The following CDH12 variants were observed in gnomAD, a reference collection of about 807,000 sequenced individuals.
CDH12 encodes cadherin 12.
CDH12 carries 41 observed loss-of-function variants against 74.1 expected under a neutral mutation model. The observed-to-expected ratio is 0.55, with a 90% CI of 0.43 to 0.72. The LOEUF (loss-of-function observed/expected upper bound fraction) is 0.72, where lower values mean the gene tolerates loss of function less well. Ranked by LOEUF, CDH12 falls within the 30% of genes least tolerant of loss-of-function variation. The pLI, the probability that CDH12 is intolerant of heterozygous loss-of-function variation, is 0.00. For missense variants in CDH12, 945 were observed against 977.2 expected (o/e 0.97, Z 0.44); for synonymous variants, 399 against 355.0 (o/e 1.12, Z -1.39).
At chr5:22,144,608 T>C (rs1410071045) in intron 4 of CDH12, among the ~76,000 whole-genome samples, 1 of 152,116 alleles carries the variant, frequency 6.6e-6, no homozygotes, top group Non-Finnish European at 1.5e-5. Context: ...TGTGGAGGCA[T>C]CTTTCCTATA....
chr5:22,687,792 A>G (rs1741889331), intron 1 of CDH12, among the ~76,000 whole-genome samples: 1 of 152,166 alleles, frequency 6.6e-6, no homozygotes, highest in African/African-American at 2.4e-5. Flanking sequence ...AGGCTTCCAA[A>G]TGATGTGTCC....
intron 2 of CDH12, among the ~76,000 whole-genome samples, chr5:22,442,685 T>G (rs1489001963): frequency 1.3e-5 from 2 of 152,048 alleles, no homozygotes; most frequent in Non-Finnish European, 2.9e-5. Flanking sequence ...GAAAGATAGT[T>G]GAGAGGATGA....
rs149697285 is a variant in CDH12 at position 22,704,308 on chromosome 5, G to A, written c.-523+148750C>T. Among the ~76,000 whole-genome samples, 388 of 152,140 alleles carry A rather than the reference G, an allele frequency of 2.6e-3. 2 individuals are homozygous for A. Among genetic ancestry groups the A allele is most frequent in the Non-Finnish European group, 4.4e-3 (299 of 67,994 alleles). On this transcript the variant is annotated intron_variant, in intron 1 of 14. Coordinates refer to ENST00000382254, the MANE Select transcript of CDH12 (RefSeq NM_004061.5). ...GGGGACAGTGATGTCTAGCTAACAGGTGCCACCACCATAAAGTCCTTAAAA... is the reference window on the plus strand; with the variant it reads ...GGGGACAGTGATGTCTAGCTAACAGATGCCACCACCATAAAGTCCTTAAAA...
At chr5:22,013,424 G>A (rs1369711168) in intron 5 of CDH12, among the ~76,000 whole-genome samples, 1 of 152,080 alleles carries the variant, frequency 6.6e-6, no homozygotes, top group Non-Finnish European at 1.5e-5. Flanking sequence ...ATGAGATTTG[G>A]GTGGGGACAC....
intron 6 of CDH12, among the ~76,000 whole-genome samples, chr5:21,964,529 TCTC>T (rs1260601955): frequency 6.6e-6 from 1 of 151,952 alleles, no homozygotes; most frequent in African/African-American, 2.4e-5. Context: ...AAGTCTTTCT[TCTC>T]CTGCTAGTTA....
intron 3 of CDH12, among the ~76,000 whole-genome samples, chr5:22,238,990 T>C (rs1752654463): frequency 1.3e-5 from 2 of 152,192 alleles, no homozygotes; most frequent in Admixed American, 1.3e-4. Context: ...CTGGGATCTC[T>C]TTAGAGAGTA....
Position 22,078,498 on chromosome 5 carries a change from T to A in CDH12, c.179A>T (p.Gln60Leu), listed in dbSNP as rs780865580. The change falls in exon 5 of 15, where the codon CAA becomes CTA. Residue 60 changes from glutamine to leucine, a missense_variant. Around this residue, in one of 3 missense-constraint regions of CDH12, gnomAD observed 148 missense variants for 162.8 expected, o/e 0.91. Coordinates refer to ENST00000382254, the MANE Select transcript of CDH12 (RefSeq NM_004061.5). Reference protein sequence around the residue: ...QRVKRGWVWNQFFVLEEYVGS... With the variant: ...QRVKRGWVWNLFFVLEEYVGS... ...CACGTATTCTTCCAGCACAAAAAAT[T>A]GATTCCATACCCAGCCACGTTTAAC... is the stretch of plus-strand genomic sequence containing the variant. 3.4e-5 allele frequency: 55 copies of A among 1,613,796 alleles called. No homozygotes were observed. Among genetic ancestry groups the A allele is most frequent in the Non-Finnish European group, 1.4e-5 (17 of 1,179,874 alleles).
At chr5:22,036,115 A>C (rs1452444878) in intron 5 of CDH12, among the ~76,000 whole-genome samples, 3 of 152,192 alleles carry the variant, frequency 2.0e-5, no homozygotes, top group Admixed American at 1.3e-4. Flanking sequence ...GCTGCACTGA[A>C]CTAATAATGA....
intron 1 of CDH12, among the ~76,000 whole-genome samples, chr5:22,816,112 G>T (rs1489889759): frequency 6.6e-6 from 1 of 152,032 alleles, no homozygotes; most frequent in Non-Finnish European, 1.5e-5. Flanking sequence ...TTATTTTCGG[G>T]GCCAGGCTTC....
chr5:22,056,152 G>T (rs577121831), intron 5 of CDH12, among the ~76,000 whole-genome samples: 1 of 151,790 alleles, frequency 6.6e-6, no homozygotes, highest in South Asian at 2.1e-4. Flanking sequence ...AAGCAAATAG[G>T]GTCTTTTAAT....
At chr5:22,705,130 T>TATATATACACACAC (rs752782183) in intron 1 of CDH12, among the ~76,000 whole-genome samples, 1,563 of 125,566 alleles carry the variant, frequency 0.012, 16 homozygotes, top group African/African-American at 0.029. Context: ...TATATATATA[T>TATATATACACACAC]ACACACACAC....
At chr5:22,797,114 G>T (rs1485910541) in intron 1 of CDH12, among the ~76,000 whole-genome samples, 1 of 151,324 alleles carries the variant, frequency 6.6e-6, no homozygotes, top group Admixed American at 6.6e-5. Flanking sequence ...TTTAGTATTC[G>T]GAGGGGGGCA....
chr5:22,779,659 G>A (rs1386809211), intron 1 of CDH12, among the ~76,000 whole-genome samples: 1 of 152,126 alleles, frequency 6.6e-6, no homozygotes, highest in African/African-American at 2.4e-5. Flanking sequence ...GAGTTCTCAT[G>A]AGATCTGATG....
intron 1 of CDH12, among the ~76,000 whole-genome samples, chr5:22,565,653 G>A (rs1051998133): frequency 1.3e-5 from 2 of 151,938 alleles, no homozygotes; most frequent in Non-Finnish European, 2.9e-5. Flanking sequence ...CCTCTTGGGG[G>A]TATTTGCCTA....
At chr5:22,017,189 TC>T (rs1233483392) in intron 5 of CDH12, among the ~76,000 whole-genome samples, 2 of 152,190 alleles carry the variant, frequency 1.3e-5, no homozygotes, top group East Asian at 3.9e-4. Flanking sequence ...TTGTTCCTAC[TC>T]CTTTGTCTTT....
intron 2 of CDH12, among the ~76,000 whole-genome samples, chr5:22,437,460 C>T (rs1744443792): frequency 6.6e-6 from 1 of 151,016 alleles, no homozygotes; most frequent in Non-Finnish European, 1.5e-5. Flanking sequence ...GGCCACATTA[C>T]AACAAAGTGT....
At chr5:21,807,717 G>A (rs1030707255) in intron 9 of CDH12, among the ~76,000 whole-genome samples, 6 of 152,084 alleles carry the variant, frequency 3.9e-5, no homozygotes, top group Admixed American at 3.9e-4. Context: ...AGAATTCTAA[G>A]ATGCTCCCAA....
intron 1 of CDH12, among the ~76,000 whole-genome samples, chr5:22,686,399 C>T (rs1423351508): frequency 6.6e-6 from 1 of 152,090 alleles, no homozygotes; most frequent in Non-Finnish European, 1.5e-5. Flanking sequence ...TACAATTTAC[C>T]TAAATTTTAT....
intron 1 of CDH12, among the ~76,000 whole-genome samples, chr5:22,641,950 G>T (rs1000046268): frequency 2.6e-5 from 4 of 152,064 alleles, no homozygotes; most frequent in Non-Finnish European, 5.9e-5. Flanking sequence ...TGCTAGGCTG[G>T]GAACAAATGT....
Sources: allele counts gnomAD v4.1 joint callset (sites outside exome capture counted in the v4.1 genomes callset), GRCh38; gene constraint gnomAD v4.1.1; regional missense constraint gnomAD v4.1.1; transcripts MANE v1.5; gene names NCBI Gene and HGNC (gene_info 2026-07-23, HGNC 2026-07-21).